Variants in RUBCN observed in about 807,000 individuals in gnomAD.
RUBCN encodes the protein run domain Beclin-1-interacting and cysteine-rich domain-containing protein.
RUBCN carries 74 observed loss-of-function variants against 113.2 expected under a neutral mutation model. That is an observed-to-expected ratio of 0.65 (90% CI 0.54 to 0.79). The LOEUF is 0.79. Among genes scored for constraint, RUBCN ranks in the 30% least tolerant of loss-of-function variants. The pLI, the probability that RUBCN is intolerant of heterozygous loss-of-function variation, is 0.00. For synonymous variants in RUBCN, 480 were observed against 490.0 expected, an observed-to-expected ratio of 0.98 and a Z score of 0.27; for missense variants, 1,109 against 1,251.7, an observed-to-expected ratio of 0.89 and a Z score of 1.72.
At chr3:197,703,922 C>T (rs1387159605) in intron 4 of RUBCN, among the ~76,000 whole-genome samples, 2 of 152,182 alleles carry the variant, frequency 1.3e-5, no homozygotes, top group African/African-American at 2.4e-5. Context: ...GGATTGGAAA[C>T]AGTAGCACCA....
chr3:197,698,080 A>G (rs1426872451), intron 7 of RUBCN, among the ~76,000 whole-genome samples: 1 of 152,158 alleles, frequency 6.6e-6, no homozygotes, highest in African/African-American at 2.4e-5. Context: ...CACACAACAC[A>G]AACTCCAACA....
At chr3:197,677,674 GCT>G in intron 16 of RUBCN, 133 bp from the exon 17 acceptor site, 5 of 753,786 alleles carry the variant, frequency 6.6e-6, no homozygotes, top group Non-Finnish European at 1.2e-5. Context: ...ACTGTCCTAC[GCT>G]CTGACAACTG....
intron 14 of RUBCN, 127 bp downstream of exon 14, chr3:197,682,336 CCCCTCTG>C: frequency 9.5e-7 from 1 of 1,052,478 alleles, no homozygotes; most frequent in Non-Finnish European, 1.4e-6. Flanking sequence ...GACGACGCCC[CCCCTCTG>C]CCTTTAAATG....
At chr3:197,749,309 A>ACCGTG in exon 1 of RUBCN, 1 of 1,142,384 alleles carries the variant, frequency 8.8e-7, no homozygotes, top group Non-Finnish European at 1.1e-6. Context: ...GGTAGTGAAC[A>ACCGTG]CCGTGCCAGA....
chr3:197,719,392 C>A (rs533134105), intron 1 of RUBCN, among the ~76,000 whole-genome samples: 1 of 149,880 alleles, frequency 6.7e-6, no homozygotes, highest in South Asian at 2.1e-4. Flanking sequence ...ACAGGAGAAT[C>A]GCTTGAACCT....
At chr3:197,726,313 C>T (rs1211574629) in intron 1 of RUBCN, among the ~76,000 whole-genome samples, 2 of 151,954 alleles carry the variant, frequency 1.3e-5, no homozygotes, top group Non-Finnish European at 2.9e-5. Flanking sequence ...GTGGCGTGAT[C>T]TCGGTTCACT....
At position 197,730,885 on chromosome 3, in the gene RUBCN, CTTTTTTTTTT is replaced by C. The variant is rs71166707; in HGVS notation, c.65+5760_65+5769del. Among the ~76,000 whole-genome samples, 50 of 50,008 alleles carry C rather than the reference CTTTTTTTTTT, an allele frequency of 1.0e-3. No individual in the cohort carries two copies. The East Asian group carries it at 0.02, about 20-fold the overall frequency. 32.8% of individuals were successfully genotyped at this position (50,008 alleles called of 152,430 possible). A position where few individuals can be genotyped will look rare whatever the true frequency, so the allele number is the denominator to read the frequency against. On this transcript the variant is annotated intron_variant, in intron 1 of 19. Coordinates refer to ENST00000296343, the MANE Select transcript of RUBCN (RefSeq NM_014687.4). ...TTTTTTTTTCATATTTTAAAAGCAT[CTTTTTTTTTT>C]TTTTTTTTTTTTTTTTTTTTACAGT...
At chr3:197,706,573 GC>G (rs1456028509) in intron 2 of RUBCN, among the ~76,000 whole-genome samples, 1 of 151,706 alleles carries the variant, frequency 6.6e-6, no homozygotes, top group African/African-American at 2.4e-5. Context: ...AGTCCCAGCT[GC>G]TTGGGAGGCT....
At chr3:197,731,942 G>T (rs1392709849) in intron 1 of RUBCN, among the ~76,000 whole-genome samples, 1 of 152,226 alleles carries the variant, frequency 6.6e-6, no homozygotes, top group African/African-American at 2.4e-5. Flanking sequence ...GAAAAATTAG[G>T]AACAGAATTT....
rs534016044 is a variant in RUBCN, at chr3:197,689,720, C to T, written c.1786+3995G>A. Among the ~76,000 whole-genome samples the T allele has an allele frequency of 1.4e-3, 219 of 152,250 alleles. 1 individual carries two copies. The highest frequency in any genetic ancestry group is 5.1e-3 in the African/African-American group (210 of 41,542). ...ATAATATTTGTACATATTGACAGGG[C>T]ACAAGTGATATTTTGATACATGCAT... is the stretch of plus-strand genomic sequence containing the variant. On this transcript the variant is annotated intron_variant, in intron 11 of 19. Transcript: ENST00000296343.
At chr3:197,706,371 G>A (rs553330840) in intron 2 of RUBCN, among the ~76,000 whole-genome samples, 11 of 152,170 alleles carry the variant, frequency 7.2e-5, no homozygotes, top group Admixed American at 3.3e-4. Flanking sequence ...AAAATATATA[G>A]AGCTAGCACA....
intron 2 of RUBCN, among the ~76,000 whole-genome samples, chr3:197,708,187 G>C (rs1724535305): frequency 6.6e-6 from 1 of 151,822 alleles, no homozygotes; most frequent in Non-Finnish European, 1.5e-5. Flanking sequence ...CCAGGCTGGA[G>C]TGCAATGGTG....
rs147422052 is a variant in RUBCN at position 197,731,016 on chromosome 3, T to A, written c.65+5639A>T. Among the ~76,000 whole-genome samples the A allele has an allele frequency of 8.6e-5, 13 of 151,920 alleles. No individual in the cohort carries two copies. In the East Asian group the frequency reaches 2.5e-3, roughly 29 times the overall value. On this transcript the variant is annotated intron_variant, in intron 1 of 19. Transcript: ENST00000296343. ...TTTTTGTTTTTGTTTTTGTTTTTAT[T>A]GATCATTCTTGGGTGTTTCTCGCAG...
chr3:197,696,860 G>A (rs1371016149), intron 8 of RUBCN, 94 bp downstream of exon 8: 1 of 748,490 alleles, frequency 1.3e-6, no homozygotes, highest in Non-Finnish European at 2.5e-6. Flanking sequence ...ACCCTCCAGA[G>A]AGCTGAGATG....
chr3:197,711,377 AGAAT>A (rs1724948152), intron 2 of RUBCN, among the ~76,000 whole-genome samples: 1 of 152,258 alleles, frequency 6.6e-6, no homozygotes, highest in Non-Finnish European at 1.5e-5. Context: ...GCTGTAAGAA[AGAAT>A]GAAGAAGCTC....
intron 1 of RUBCN, among the ~76,000 whole-genome samples, chr3:197,722,197 C>T (rs1183700900): frequency 6.6e-6 from 1 of 151,106 alleles, no homozygotes; most frequent in East Asian, 1.9e-4. Flanking sequence ...GGGATTGCAC[C>T]ACTGCACTCC....
chr3:197,705,469 G>A (rs1256676232), intron 2 of RUBCN, among the ~76,000 whole-genome samples: 3 of 151,616 alleles, frequency 2.0e-5, no homozygotes, highest in Non-Finnish European at 2.9e-5. Context: ...GGAGGCTGAG[G>A]TGGGAGAATC....
chr3:197,731,896 A>G (rs1038623957), intron 1 of RUBCN, among the ~76,000 whole-genome samples: 3 of 152,260 alleles, frequency 2.0e-5, no homozygotes, highest in African/African-American at 4.8e-5. Flanking sequence ...ATAAGCCATT[A>G]TATTTGGAAA....
At position 197,684,256 on chromosome 3, in the gene RUBCN, C is replaced by G. The variant is rs12107435; in HGVS notation, c.1787-39G>C. 0.016 allele frequency: 25,344 copies of G among 1,547,280 alleles called. 1,619 individuals are homozygous for G. The African/African-American group carries it at 0.2, about 12-fold the overall frequency. ...AGAGATAAGGGGAGCGCAATGGAAA[C>G]GGGGTGGGTAAGGGAACCTGGAATC... is the stretch of plus-strand genomic sequence containing the variant. On this transcript the variant is annotated intron_variant, in intron 11 of 19. Coordinates refer to ENST00000296343, the MANE Select transcript of RUBCN (RefSeq NM_014687.4).
Sources: allele counts gnomAD v4.1 joint callset (sites outside exome capture counted in the v4.1 genomes callset), GRCh38; gene constraint gnomAD v4.1.1; transcripts MANE v1.5; gene names NCBI Gene and HGNC (gene_info 2026-07-23, HGNC 2026-07-21).